Variants in KDM6A observed in about 807,000 individuals in gnomAD.
The protein encoded by KDM6A is lysine-specific demethylase 6A.
A neutral mutation model predicts 117.6 loss-of-function variants in KDM6A; 11 were observed. The ratio of observed to expected loss-of-function variants is 0.09; its 90% CI spans 0.06 to 0.15. The LOEUF (loss-of-function observed/expected upper bound fraction) is 0.15, where lower values mean the gene tolerates loss of function less well. Among genes scored for constraint, KDM6A ranks in the 10% least tolerant of loss-of-function variants. KDM6A has a pLI of 1.00. For missense variants in KDM6A, 799 were observed against 1,077.3 expected (o/e 0.74, Z 3.62); for synonymous variants, 384 against 396.1 (o/e 0.97, Z 0.36).
chrX:44,928,452 G>A (rs763819328), intron 2 of KDM6A, among the ~76,000 whole-genome samples: 1 of 111,605 alleles, frequency 9.0e-6, no homozygotes, highest in African/African-American at 3.3e-5. Context: ...CGACGATGGG[G>A]GTTTAATGAG....
intron 4 of KDM6A, among the ~76,000 whole-genome samples, chrX:45,003,595 T>TGTA (rs1407037904): frequency 9.1e-6 from 1 of 110,449 alleles, no homozygotes; most frequent in Non-Finnish European, 1.9e-5. Flanking sequence ...GGTATTGGAG[T>TGTA]GTTACAGTGT....
At chrX:45,029,078 G>A (rs937916298) in intron 6 of KDM6A, among the ~76,000 whole-genome samples, 5 of 111,766 alleles carry the variant, frequency 4.5e-5, no homozygotes, top group East Asian at 5.6e-4. Context: ...ACTTAAGGGC[G>A]TTATAGATAT....
chrX:45,108,183 T>C (rs1336956854), intron 28 of KDM6A, among the ~76,000 whole-genome samples: 1 of 111,357 alleles, frequency 9.0e-6, no homozygotes, highest in Non-Finnish European at 1.9e-5. Flanking sequence ...AAGAGTATGA[T>C]ATCAAGTAGA....
intron 5 of KDM6A, among the ~76,000 whole-genome samples, chrX:45,011,922 A>C (rs978467361): frequency 1.8e-5 from 2 of 110,483 alleles, no homozygotes; most frequent in East Asian, 5.7e-4. Flanking sequence ...AGTAGCTGGG[A>C]CCACAGGCAC....
intron 2 of KDM6A, among the ~76,000 whole-genome samples, chrX:44,940,658 C>T (rs1429288850): frequency 9.0e-6 from 1 of 111,642 alleles, no homozygotes. Flanking sequence ...AGTGATGCTC[C>T]ATGAAAAAAG....
chrX:45,107,663 A>T, intron 28 of KDM6A, 127 bp downstream of exon 28: 1 of 646,742 alleles, frequency 1.5e-6, no homozygotes, highest in Non-Finnish European at 2.3e-6. Context: ...TTAACATTGG[A>T]TTCAATTTTG....
At chrX:45,054,591 A>G (rs2043992747) in intron 10 of KDM6A, among the ~76,000 whole-genome samples, 1 of 111,796 alleles carries the variant, frequency 8.9e-6, no homozygotes, top group Non-Finnish European at 1.9e-5. Context: ...GATGATCTGA[A>G]CTATACCTCA....
At chrX:44,903,625 T>C (rs113780077) in intron 2 of KDM6A, among the ~76,000 whole-genome samples, 1,138 of 111,384 alleles carry the variant, frequency 0.01, 14 homozygotes, top group African/African-American at 0.036. Flanking sequence ...TTTTCTTTCT[T>C]ATTTTCTTTC....
At chrX:44,884,888 A>T (rs1397054203) in intron 2 of KDM6A, among the ~76,000 whole-genome samples, 2 of 111,748 alleles carry the variant, frequency 1.8e-5, no homozygotes, top group East Asian at 5.6e-4. Flanking sequence ...AGGTATCTCA[A>T]ACTGAACATA....
rs772970029 is a variant in KDM6A at position 44,984,115 on chromosome X, A to G, written c.384+9400A>G. On this transcript the variant is annotated intron_variant, in intron 4 of 29. Transcript: ENST00000611820. ...AATGATTGCCATTCTAACTGGTGTG[A>G]GATGGTATCTCATTGTGGTTTTGAT... is the stretch of plus-strand genomic sequence containing the variant. Among the ~76,000 whole-genome samples, 222 of 110,038 alleles carry G rather than the reference A, an allele frequency of 2.0e-3. 1 individual carries two copies. The highest frequency in any genetic ancestry group is 0.014 in the Middle Eastern group (3 of 215).
At chrX:45,002,699 C>G (rs2041201274) in intron 4 of KDM6A, among the ~76,000 whole-genome samples, 2 of 111,605 alleles carry the variant, frequency 1.8e-5, no homozygotes, top group African/African-American at 6.5e-5. Context: ...CATAAATTCC[C>G]TTTTATAACA....
intron 2 of KDM6A, among the ~76,000 whole-genome samples, chrX:44,879,472 C>T (rs751430328): frequency 2.7e-5 from 3 of 112,279 alleles, no homozygotes; most frequent in African/African-American, 6.5e-5. Context: ...AATTGACAGT[C>T]TTAAGTACTC....
At chrX:45,099,092 G>A (rs5952679) in intron 27 of KDM6A, among the ~76,000 whole-genome samples, 1 of 111,138 alleles carries the variant, frequency 9.0e-6, no homozygotes. Flanking sequence ...ATGCTTGCAC[G>A]TGCTTTTTCA....
intron 4 of KDM6A, among the ~76,000 whole-genome samples, chrX:45,003,905 C>G (rs2041294544): frequency 1.0e-5 from 1 of 97,634 alleles, no homozygotes; most frequent in African/African-American, 3.8e-5. Flanking sequence ...CCTTCCACCC[C>G]CTCTTCCACC....
At chrX:44,898,125 C>T (rs998198673) in intron 2 of KDM6A, among the ~76,000 whole-genome samples, 1 of 111,598 alleles carries the variant, frequency 9.0e-6, no homozygotes, top group Non-Finnish European at 1.9e-5. Context: ...GATGAACTTT[C>T]TGACGGGCCA....
intron 4 of KDM6A, among the ~76,000 whole-genome samples, chrX:44,992,836 A>G (rs969102370): frequency 1.8e-5 from 2 of 111,024 alleles, no homozygotes; most frequent in African/African-American, 3.3e-5. Context: ...ATGAGCCACC[A>G]TGCCCGGCCT....
At chrX:45,017,707 C>A (rs1602590694) in intron 5 of KDM6A, among the ~76,000 whole-genome samples, 1 of 111,796 alleles carries the variant, frequency 8.9e-6, no homozygotes, top group African/African-American at 3.3e-5. Flanking sequence ...CAGTAAACAT[C>A]TATTAAATTT....
intron 3 of KDM6A, among the ~76,000 whole-genome samples, chrX:44,964,762 C>T (rs1031886547): frequency 6.3e-5 from 7 of 111,495 alleles, no homozygotes; most frequent in African/African-American, 2.0e-4. Flanking sequence ...TTCTTGAGGT[C>T]CCTAGGATTT....
intron 6 of KDM6A, among the ~76,000 whole-genome samples, chrX:45,032,096 C>T (rs948141613): frequency 1.8e-5 from 2 of 110,885 alleles, no homozygotes; most frequent in Admixed American, 9.6e-5. Flanking sequence ...GACTGCTTTC[C>T]GCCTTCAGGT....
Sources: allele counts gnomAD v4.1 joint callset (sites outside exome capture counted in the v4.1 genomes callset), GRCh38; gene constraint gnomAD v4.1.1; transcripts MANE v1.5; gene names NCBI Gene and HGNC (gene_info 2026-07-23, HGNC 2026-07-21).